Variants in GTF2IRD1 observed in about 807,000 individuals in gnomAD.
The protein encoded by GTF2IRD1 is general transcription factor II-I repeat domain-containing protein 1.
A neutral mutation model predicts 113.2 loss-of-function variants in GTF2IRD1; 26 were observed. The observed-to-expected ratio is 0.23, with a 90% CI of 0.17 to 0.32. The LOEUF is 0.32. Ranked by LOEUF, GTF2IRD1 falls within the 10% of genes least tolerant of loss-of-function variation. The pLI, the probability that GTF2IRD1 is intolerant of heterozygous loss-of-function variation, is 1.00. For synonymous variants in GTF2IRD1, 484 were observed against 529.1 expected, an observed-to-expected ratio of 0.91 and a Z score of 1.17; for missense variants, 864 against 1,280.8, an observed-to-expected ratio of 0.67 and a Z score of 4.97.
At chr7:74,565,067 G>A (rs1408918507) in intron 22 of GTF2IRD1, among the ~76,000 whole-genome samples, 1 of 24 alleles carries the variant, frequency 0.042, no homozygotes, top group Non-Finnish European at 0.062. Flanking sequence ...CAGAGGGATG[G>A]GGGGGACTGG....
In GTF2IRD1 at chr7:74,466,948, C is replaced by CT. The variant is rs1249621731; in HGVS notation, c.-7+12775dup. The stretch of plus-strand genomic sequence containing the variant: ...GGTGGGGGCCTCCTCCACCCTTTTT[C>CT]TTTCTTTTTTTTTTTTTTTGGAGAC... On this transcript the variant is annotated intron_variant, in intron 1 of 26. Transcript: ENST00000424337. Among the ~76,000 whole-genome samples, 1,205 of 148,770 alleles carry CT rather than the reference C, an allele frequency of 8.1e-3. 15 individuals carry two copies. Among genetic ancestry groups the CT allele is most frequent in the African/African-American group, 0.027 (1,091 of 40,510 alleles).
At chr7:74,531,667 G>T (rs1562841994) in intron 9 of GTF2IRD1, among the ~76,000 whole-genome samples, 1 of 151,852 alleles carries the variant, frequency 6.6e-6, no homozygotes, top group Non-Finnish European at 1.5e-5. Flanking sequence ...CGGATCACTT[G>T]AGCCTAGGAG....
chr7:74,490,304 A>G (rs1044488911), intron 1 of GTF2IRD1, among the ~76,000 whole-genome samples: 1 of 151,954 alleles, frequency 6.6e-6, no homozygotes, highest in Non-Finnish European at 1.5e-5. Context: ...ACTGCCTTCT[A>G]CTGCACTGCG....
chr7:74,492,155 T>TGCC, intron 1 of GTF2IRD1, among the ~76,000 whole-genome samples: 1 of 150,430 alleles, frequency 6.6e-6, no homozygotes, highest in Non-Finnish European at 1.5e-5. Flanking sequence ...AGGCACACAC[T>TGCC]ACCATTCCCG....
chr7:74,577,425 C>T (rs1554364882), intron 22 of GTF2IRD1, among the ~76,000 whole-genome samples: 1 of 152,148 alleles, frequency 6.6e-6, no homozygotes, highest in Non-Finnish European at 1.5e-5. Context: ...CTTTCTTTTT[C>T]TCTATTTGAA....
chr7:74,459,410 A>G (rs915310553), intron 1 of GTF2IRD1, among the ~76,000 whole-genome samples: 12 of 151,964 alleles, frequency 7.9e-5, no homozygotes, highest in African/African-American at 2.9e-4. Flanking sequence ...GTGAGCTGAG[A>G]TCGTACCATT....
At chr7:74,469,762 G>C (rs1793972984) in intron 1 of GTF2IRD1, among the ~76,000 whole-genome samples, 2 of 151,718 alleles carry the variant, frequency 1.3e-5, no homozygotes, top group Non-Finnish European at 2.9e-5. Flanking sequence ...GGAGTGCTTT[G>C]GTGGGATCAT....
intron 22 of GTF2IRD1, among the ~76,000 whole-genome samples, chr7:74,566,644 G>A (rs587707514): frequency 2.6e-5 from 4 of 152,172 alleles, no homozygotes; most frequent in East Asian, 3.9e-4. Context: ...GCCTGACCAC[G>A]TCATACTTAC....
At chr7:74,546,082 C>T (rs1303760615) in intron 16 of GTF2IRD1, among the ~76,000 whole-genome samples, 1 of 152,078 alleles carries the variant, frequency 6.6e-6, no homozygotes, top group Non-Finnish European at 1.5e-5. Context: ...GTCGCCAGCC[C>T]TCAGCCCTCC....
At chr7:74,559,729 T>C in intron 22 of GTF2IRD1, 74 bp downstream of exon 22, 3 of 1,265,962 alleles carry the variant, frequency 2.4e-6, no homozygotes, top group Non-Finnish European at 3.3e-6. Context: ...GAGCTAAGCC[T>C]GCTGTGGGGC....
At chr7:74,505,724 T>C (rs888920392) in intron 1 of GTF2IRD1, among the ~76,000 whole-genome samples, 4 of 152,276 alleles carry the variant, frequency 2.6e-5, no homozygotes, top group East Asian at 3.9e-4. Context: ...AGGGGATGGC[T>C]TGGGGGAGGG....
chr7:74,454,777 G>A (rs1554326742), intron 1 of GTF2IRD1, among the ~76,000 whole-genome samples: 1 of 152,172 alleles, frequency 6.6e-6, no homozygotes, highest in Non-Finnish European at 1.5e-5. Context: ...GACTCAGAAG[G>A]TGGCAGTGGG....
At chr7:74,527,839 A>AG (rs1277474343) in intron 8 of GTF2IRD1, among the ~76,000 whole-genome samples, 9 of 152,122 alleles carry the variant, frequency 5.9e-5, no homozygotes, top group African/African-American at 2.2e-4. Context: ...AGACTCCATC[A>AG]GGGAAAAAAA....
intron 1 of GTF2IRD1, among the ~76,000 whole-genome samples, chr7:74,493,995 G>A (rs1423133561): frequency 2.0e-5 from 3 of 152,118 alleles, no homozygotes; most frequent in Non-Finnish European, 4.4e-5. Flanking sequence ...CTCTTGGGGG[G>A]TACAGCAGCG....
rs1460652460 is a variant in GTF2IRD1, at chr7:74,470,216, C to T, written c.-7+16040C>T. ...CCCAGGCTGGTCTTGAACCCCTGGACTCAAACAATCCACCCACTTCAGCCT... is the reference window on the plus strand; with the variant it reads ...CCCAGGCTGGTCTTGAACCCCTGGATTCAAACAATCCACCCACTTCAGCCT... On this transcript the variant is annotated intron_variant, in intron 1 of 26. Coordinates refer to ENST00000424337, the MANE Select transcript of GTF2IRD1 (RefSeq NM_005685.4). Among the ~76,000 whole-genome samples, 5 of 152,132 alleles carry T rather than the reference C, an allele frequency of 3.3e-5. No individual in the cohort carries two copies. In the South Asian group the frequency reaches 1.0e-3, roughly 32 times the overall value.
rs370145708 is a variant in GTF2IRD1, at chr7:74,549,396, T to C, written c.1916+2110T>C. On this transcript the variant is annotated intron_variant, in intron 17 of 26. Transcript: ENST00000424337. ...GTTCCTCCAGGAGAATAGATAGTTC[T>C]CAAACTGGGAGACTCACAGCGTCAT... Among the ~76,000 whole-genome samples, 15 of 152,140 alleles carry C rather than the reference T, an allele frequency of 9.9e-5. No homozygotes were observed. In the East Asian group the frequency reaches 2.1e-3, roughly 22 times the overall value.
chr7:74,542,368 C>G (rs1161033108), intron 14 of GTF2IRD1, among the ~76,000 whole-genome samples: 1 of 152,148 alleles, frequency 6.6e-6, no homozygotes, highest in African/African-American at 2.4e-5. Context: ...TGCACTCCAG[C>G]CTGGGCAACA....
intron 1 of GTF2IRD1, among the ~76,000 whole-genome samples, chr7:74,504,309 T>C (rs1584541055): frequency 6.6e-6 from 1 of 152,226 alleles, no homozygotes; most frequent in African/African-American, 2.4e-5. Flanking sequence ...GTGTCTGCGT[T>C]TTGGGCTGCT....
intron 3 of GTF2IRD1, 103 bp downstream of exon 3, chr7:74,513,074 G>A (rs1796726773): frequency 9.1e-7 from 1 of 1,103,260 alleles, no homozygotes; most frequent in East Asian, 2.4e-5. Context: ...GGGTGGCGGT[G>A]TGTGGGGAGT....
Sources: allele counts gnomAD v4.1 joint callset (sites outside exome capture counted in the v4.1 genomes callset), GRCh38; gene constraint gnomAD v4.1.1; transcripts MANE v1.5; gene names NCBI Gene and HGNC (gene_info 2026-07-23, HGNC 2026-07-21).